Variants in FKBP3 observed in about 807,000 individuals in gnomAD.
FKBP3 encodes FKBP prolyl isomerase 3.
FKBP3 carries 21 observed loss-of-function variants against 30.6 expected under a neutral mutation model. That is an observed-to-expected ratio of 0.69 (90% confidence interval 0.49 to 0.99). The LOEUF is 0.99. Ranked by LOEUF, FKBP3 falls within the 50% of genes least tolerant of loss-of-function variation. The pLI, the probability that FKBP3 is intolerant of heterozygous loss-of-function variation, is 0.00. For missense variants in FKBP3, 283 were observed against 261.6 expected (o/e 1.08, Z -0.56); for synonymous variants, 82 against 91.3 (o/e 0.90, Z 0.58).
chr14:45,120,735 T>C, intron 5 of FKBP3, 152 bp downstream of exon 5: 2 of 633,536 alleles, frequency 3.2e-6, no homozygotes, highest in Non-Finnish European at 5.6e-6. Context: ...AGATAACTTG[T>C]GCAAGATCAG....
At chr14:45,123,107 C>G (rs2139080534) in intron 3 of FKBP3, among the ~76,000 whole-genome samples, 1 of 150,876 alleles carries the variant, frequency 6.6e-6, no homozygotes, top group East Asian at 2.0e-4. Flanking sequence ...TCAGGAGAAT[C>G]ACTTGAATCC....
intron 4 of FKBP3, among the ~76,000 whole-genome samples, 178 bp downstream of exon 4, chr14:45,121,307 T>C (rs1288709583): frequency 1.3e-5 from 2 of 152,156 alleles, no homozygotes; most frequent in African/African-American, 2.4e-5. Flanking sequence ...CAAGAGGTCT[T>C]TAGCCAGCCA....
chr14:45,125,528 C>G (rs1379060251), intron 3 of FKBP3, among the ~76,000 whole-genome samples: 1 of 152,130 alleles, frequency 6.6e-6, no homozygotes, highest in Non-Finnish European at 1.5e-5. Context: ...TATTTTCTTT[C>G]CTGTACAATA....
intron 1 of FKBP3, chr14:45,133,552 C>T (rs757921857): frequency 1.3e-5 from 2 of 154,904 alleles, no homozygotes; most frequent in African/African-American, 4.8e-5. Flanking sequence ...CACAAGCAGG[C>T]TGCCGCTTGT....
intron 3 of FKBP3, among the ~76,000 whole-genome samples, chr14:45,127,256 G>C (rs1396077639): frequency 6.6e-6 from 1 of 151,644 alleles, no homozygotes; most frequent in African/African-American, 2.4e-5. Flanking sequence ...TGGGATTACA[G>C]GTGTGCACCA....
intron 5 of FKBP3, among the ~76,000 whole-genome samples, chr14:45,119,280 G>A (rs1326453708): frequency 6.6e-6 from 1 of 152,024 alleles, no homozygotes; most frequent in Admixed American, 6.6e-5. Flanking sequence ...ATAAGAATAT[G>A]GTAGACTAGC....
At chr14:45,128,988 A>G (rs975478223) in intron 3 of FKBP3, among the ~76,000 whole-genome samples, 1 of 152,228 alleles carries the variant, frequency 6.6e-6, no homozygotes, top group East Asian at 1.9e-4. Flanking sequence ...ACATATACCT[A>G]TAAACATTAA....
intron 6 of FKBP3, among the ~76,000 whole-genome samples, chr14:45,117,094 CCAGGGTAG>C (rs1463889954): frequency 3.3e-5 from 5 of 151,932 alleles, no homozygotes; most frequent in African/African-American, 1.2e-4. Context: ...GCCACAGCCT[CCAGGGTAG>C]CTGGGATTAC....
At chr14:45,120,982 A>G (rs1019071958) in intron 4 of FKBP3, 28 bp from the exon 5 acceptor site, 1 of 1,511,666 alleles carries the variant, frequency 6.6e-7, no homozygotes, top group Non-Finnish European at 9.2e-7. Context: ...CTTATCATTA[A>G]TGATATACTC....
intron 3 of FKBP3, among the ~76,000 whole-genome samples, chr14:45,123,317 T>C (rs373286199): frequency 1.3e-5 from 2 of 152,148 alleles, no homozygotes; most frequent in African/African-American, 4.8e-5. Context: ...CTATAAAGAT[T>C]TGAACAAACA....
rs139935441 is a variant in FKBP3 at position 45,129,858 on chromosome 14, A to T, written c.254T>A (p.Val85Glu). The T allele has an allele frequency of 1.2e-6, 2 of 1,613,006 alleles. No homozygotes were observed. Among genetic ancestry groups the T allele is most frequent in the Non-Finnish European group, 1.7e-6 (2 of 1,179,490 alleles). ...ATCTTCATTAAGCTTCACATTTTTT[A>T]CTTGCTCAGACACTTTACTTATACT... ...TESISKVSEQ[V>E]KNVKLNEDKP... Residue 85 changes from valine (V) to glutamate (E), a missense_variant, in exon 3 of 7, where the codon GTA becomes GAA. Physicochemically the swap from Val to Glu is moderately radical, Grantham distance 121. Transcript: ENST00000396062.
At chr14:45,134,154 C>A (rs1885304883) in intron 1 of FKBP3, among the ~76,000 whole-genome samples, 195 bp downstream of exon 1, 1 of 152,240 alleles carries the variant, frequency 6.6e-6, no homozygotes. Context: ...AAGCTGCTCC[C>A]CTGCCCCAGT....
In FKBP3 at chr14:45,121,562, T is replaced by C. The variant is rs1226698024; in HGVS notation, c.377A>G (p.Lys126Arg). 22 of 1,613,724 alleles carry C rather than the reference T, an allele frequency of 1.4e-5. No individual in the cohort carries two copies. Among genetic ancestry groups the C allele is most frequent in the Non-Finnish European group, 1.8e-5 (21 of 1,179,832 alleles). ...CCAGCAGTGAACAACATCTCCCTTT[T>C]TGGGAAAGTTGGTTTTATCTCCCTT... ...LKKGDKTNFP[K>R]KGDVVHCWYT... Residue 126 changes from lysine to arginine, a missense_variant, in exon 4 of 7, where the codon AAA becomes AGA. Lys to Arg is a conservative substitution (Grantham distance 26, BLOSUM62 2). Coordinates refer to ENST00000396062, the MANE Select transcript of FKBP3 (RefSeq NM_002013.4).
chr14:45,116,855 CAAAAA>C (rs1007359645), intron 6 of FKBP3, among the ~76,000 whole-genome samples: 2 of 148,538 alleles, frequency 1.3e-5, no homozygotes, highest in Non-Finnish European at 3.0e-5. Context: ...GACCCTGTCT[CAAAAA>C]AAAACCAAAA....
chr14:45,117,958 T>G, intron 6 of FKBP3, 70 bp downstream of exon 6: 1 of 1,139,014 alleles, frequency 8.8e-7, no homozygotes, highest in Non-Finnish European at 1.3e-6. Context: ...ACAGCATCTT[T>G]CACATCCTCA....
intron 1 of FKBP3, among the ~76,000 whole-genome samples, chr14:45,133,959 T>G (rs888076539): frequency 1.3e-5 from 2 of 152,162 alleles, no homozygotes; most frequent in Non-Finnish European, 2.9e-5. Context: ...AATCTTCACA[T>G]CCCTTCCCAT....
chr14:45,118,876 G>C (rs1884917693), intron 5 of FKBP3, among the ~76,000 whole-genome samples: 1 of 151,930 alleles, frequency 6.6e-6, no homozygotes, highest in Non-Finnish European at 1.5e-5. Flanking sequence ...TTTCTTTTGA[G>C]ATGGAGTTTC....
intron 5 of FKBP3, among the ~76,000 whole-genome samples, chr14:45,120,366 C>A (rs1594741553): frequency 1.3e-5 from 2 of 152,328 alleles, no homozygotes; most frequent in East Asian, 3.9e-4. Context: ...TAGGTTAAAG[C>A]ATGCTCATGT....
chr14:45,126,929 C>T (rs1885111552), intron 3 of FKBP3, among the ~76,000 whole-genome samples: 1 of 151,912 alleles, frequency 6.6e-6, no homozygotes, highest in Admixed American at 6.6e-5. Flanking sequence ...GATTCTCCTG[C>T]CTCAGTCTCC....
Sources: allele counts gnomAD v4.1 joint callset (sites outside exome capture counted in the v4.1 genomes callset), GRCh38; gene constraint gnomAD v4.1.1; transcripts MANE v1.5; gene names NCBI Gene and HGNC (gene_info 2026-07-23, HGNC 2026-07-21).